The following DCC variants were observed in gnomAD, a reference collection of about 807,000 sequenced individuals.
The protein encoded by DCC is netrin receptor DCC.
Under a neutral mutation model 172.5 loss-of-function variants are expected in DCC, and 58 were observed. That is an observed-to-expected ratio of 0.34 (90% CI 0.27 to 0.42). DCC has a LOEUF of 0.42. DCC is among the 10% of genes least tolerant of loss of function. DCC has a pLI of 1.00. For missense variants in DCC, 1,740 were observed against 1,791.0 expected, an observed-to-expected ratio of 0.97 and a Z score of 0.51; for synonymous variants, 709 against 644.5, an observed-to-expected ratio of 1.10 and a Z score of -1.52.
At chr18:53,175,899 G>T (rs1039746685) in intron 8 of DCC, among the ~76,000 whole-genome samples, 49 of 152,182 alleles carry the variant, frequency 3.2e-4, no homozygotes, top group African/African-American at 1.1e-3. Context: ...AACAAAGCTG[G>T]AGGTATCACA....
At chr18:53,038,952 T>A (rs2042131357) in intron 5 of DCC, among the ~76,000 whole-genome samples, 1 of 151,548 alleles carries the variant, frequency 6.6e-6, no homozygotes, top group Non-Finnish European at 1.5e-5. Context: ...TTAGAAAAGA[T>A]GAAATTTCTG....
intron 2 of DCC, among the ~76,000 whole-genome samples, chr18:52,827,450 A>G (rs1447215571): frequency 1.3e-5 from 2 of 152,200 alleles, no homozygotes; most frequent in Non-Finnish European, 2.9e-5. Flanking sequence ...TTCTTAAGCA[A>G]CTTCTCTAGA....
At chr18:52,878,203 G>T (rs1424938209) in intron 2 of DCC, among the ~76,000 whole-genome samples, 1 of 152,172 alleles carries the variant, frequency 6.6e-6, no homozygotes, top group African/African-American at 2.4e-5. Flanking sequence ...TTCTGATCAT[G>T]TGCTTTGCTA....
intron 2 of DCC, among the ~76,000 whole-genome samples, chr18:52,760,069 C>A (rs945178647): frequency 6.6e-6 from 1 of 152,176 alleles, no homozygotes; most frequent in Non-Finnish European, 1.5e-5. Context: ...TCTCACACTG[C>A]TATAAAGAAC....
intron 5 of DCC, among the ~76,000 whole-genome samples, chr18:52,941,654 A>G (rs2040467230): frequency 6.6e-6 from 1 of 152,202 alleles, no homozygotes; most frequent in South Asian, 2.1e-4. Flanking sequence ...TTATAGGTAA[A>G]TTTGAAAATA....
rs137872064 is a variant in DCC at position 53,059,634 on chromosome 18, C to T, written c.986-3671C>T. ...AAAGTATTCTAAAATAATCAATACC[C>T]GTTATTTTCTCTAAATAGTCATGGT... On this transcript the variant is annotated intron_variant, in intron 5 of 28. Coordinates refer to ENST00000442544, the MANE Select transcript of DCC (RefSeq NM_005215.4). Among the ~76,000 whole-genome samples the T allele has an allele frequency of 3.7e-3, 569 of 152,124 alleles. 9 individuals carry two copies. Among genetic ancestry groups the T allele is most frequent in the African/African-American group, 0.013 (526 of 41,526 alleles).
At chr18:52,926,847 AT>A (rs2040211003) in intron 5 of DCC, among the ~76,000 whole-genome samples, 1 of 145,908 alleles carries the variant, frequency 6.9e-6, no homozygotes, top group Non-Finnish European at 1.5e-5. Context: ...ACACACACAC[AT>A]ATACGTGTGT....
Position 52,940,080 on chromosome 18 carries a change from C to T in DCC, c.985+14710C>T, listed in dbSNP as rs147394360. On this transcript the variant is annotated intron_variant, in intron 5 of 28. Coordinates refer to ENST00000442544, the MANE Select transcript of DCC (RefSeq NM_005215.4). ...TAGGGTTGGGTCCCAGGAAACTGTG[C>T]CTTAGTAAGTCTTCCAAGTGATTCT... Among the ~76,000 whole-genome samples the T allele has an allele frequency of 1.8e-3, 278 of 152,238 alleles. 1 individual carries two copies. Among genetic ancestry groups the T allele is most frequent in the African/African-American group, 6.3e-3 (263 of 41,550 alleles).
chr18:52,822,569 T>A (rs1328411997), intron 2 of DCC, among the ~76,000 whole-genome samples: 1 of 152,214 alleles, frequency 6.6e-6, no homozygotes, highest in Non-Finnish European at 1.5e-5. Flanking sequence ...AATTCTGCGT[T>A]TTCCCCCTAA....
At position 53,225,456 on chromosome 18, in the gene DCC, C is replaced by A. The variant is rs568402495; in HGVS notation, c.1911+9859C>A. Among the ~76,000 whole-genome samples the A allele has an allele frequency of 4.6e-5, 7 of 152,170 alleles. No individual in the cohort carries two copies. In the South Asian group the frequency reaches 1.4e-3, roughly 32 times the overall value. ...GCAGGAATGCAATCCTTTGAGGAGGCAAGAACACACAGGATCCAGTATACA... is the reference window on the plus strand; with the variant it reads ...GCAGGAATGCAATCCTTTGAGGAGGAAAGAACACACAGGATCCAGTATACA... On this transcript the variant is annotated intron_variant, in intron 12 of 28. Transcript: ENST00000442544.
At chr18:53,252,626 G>C (rs577714796) in intron 12 of DCC, among the ~76,000 whole-genome samples, 1 of 151,868 alleles carries the variant, frequency 6.6e-6, no homozygotes, top group Non-Finnish European at 1.5e-5. Flanking sequence ...CCATCACCAA[G>C]CATCTTTCTT....
chr18:53,424,540 T>TCC, intron 21 of DCC, among the ~76,000 whole-genome samples: 2 of 152,292 alleles, frequency 1.3e-5, no homozygotes, highest in South Asian at 4.1e-4. Context: ...TTACGGGATT[T>TCC]CAGATAAATC....
At chr18:52,462,925 T>G (rs1988675268) in intron 1 of DCC, among the ~76,000 whole-genome samples, 1 of 152,174 alleles carries the variant, frequency 6.6e-6, no homozygotes, top group Non-Finnish European at 1.5e-5. Context: ...TTCCTAACTG[T>G]AACTCTGCAG....
chr18:53,143,741 G>A (rs8092993), intron 7 of DCC, among the ~76,000 whole-genome samples: 23,717 of 152,182 alleles, frequency 0.16, 2,305 homozygotes, highest in African/African-American at 0.27. Flanking sequence ...AAATGTTTCA[G>A]GAAGCGTGGC....
chr18:52,411,197 G>A (rs543387449), intron 1 of DCC, among the ~76,000 whole-genome samples: 1 of 152,216 alleles, frequency 6.6e-6, no homozygotes, highest in East Asian at 1.9e-4. Flanking sequence ...ACTGCTTTAA[G>A]GCAGCTCCCT....
chr18:52,845,423 C>T (rs1467010613), intron 2 of DCC, among the ~76,000 whole-genome samples: 1 of 152,222 alleles, frequency 6.6e-6, no homozygotes, highest in Non-Finnish European at 1.5e-5. Context: ...TAATGCAATG[C>T]CTAGCAATGG....
At chr18:52,577,190 G>A (rs2033434921) in intron 1 of DCC, among the ~76,000 whole-genome samples, 1 of 152,176 alleles carries the variant, frequency 6.6e-6, no homozygotes, top group African/African-American at 2.4e-5. Flanking sequence ...ACAGCAAATG[G>A]CAGTTCCTAT....
intron 5 of DCC, among the ~76,000 whole-genome samples, chr18:53,060,147 GCA>G (rs2042472810): frequency 6.6e-6 from 1 of 151,994 alleles, no homozygotes; most frequent in East Asian, 1.9e-4. Flanking sequence ...GGGATTACAG[GCA>G]TGTGCCACCA....
intron 5 of DCC, among the ~76,000 whole-genome samples, chr18:53,028,324 A>T (rs2041984245): frequency 6.6e-6 from 1 of 152,120 alleles, no homozygotes; most frequent in African/African-American, 2.4e-5. Context: ...GTCTTGCATT[A>T]AAAATTGTAT....
Sources: allele counts gnomAD v4.1 joint callset (sites outside exome capture counted in the v4.1 genomes callset), GRCh38; gene constraint gnomAD v4.1.1; transcripts MANE v1.5; gene names NCBI Gene and HGNC (gene_info 2026-07-23, HGNC 2026-07-21).